The following NKAIN1 variants were observed in gnomAD, a reference collection of about 807,000 sequenced individuals.
NKAIN1 encodes sodium/potassium transporting ATPase interacting 1.
A neutral mutation model predicts 31.6 loss-of-function variants in NKAIN1; 13 were observed. That is an observed-to-expected ratio of 0.41 (90% CI 0.27 to 0.65). The LOEUF (loss-of-function observed/expected upper bound fraction) is 0.65, where lower values mean the gene tolerates loss of function less well. Ranked by LOEUF, NKAIN1 falls within the 30% of genes least tolerant of loss-of-function variation. NKAIN1 has a pLI of 0.30. For synonymous variants in NKAIN1, 104 were observed against 109.0 expected, an observed-to-expected ratio of 0.95 and a Z score of 0.28; for missense variants, 193 against 262.2, an observed-to-expected ratio of 0.74 and a Z score of 1.82.
chr1:31,203,295 A>C (rs1477728051), intron 1 of NKAIN1, among the ~76,000 whole-genome samples: 2 of 152,054 alleles, frequency 1.3e-5, no homozygotes, highest in African/African-American at 4.8e-5. Flanking sequence ...AAAATAAATA[A>C]AAAATAATGA....
At chr1:31,185,108 C>T (rs1482499163) in intron 3 of NKAIN1, 139 bp downstream of exon 3, 3 of 668,310 alleles carry the variant, frequency 4.5e-6, no homozygotes, top group Non-Finnish European at 8.0e-6. Flanking sequence ...GGAAATGGGG[C>T]ACACAGATTA....
Position 31,187,221 on chromosome 1 carries a change from A to G in NKAIN1, c.192+829T>C, listed in dbSNP as rs138007100. Among the ~76,000 whole-genome samples, 476 of 152,276 alleles carry G rather than the reference A, an allele frequency of 3.1e-3. 8 individuals are homozygous for G. Among genetic ancestry groups the G allele is most frequent in the Non-Finnish European group, 2.0e-3 (133 of 68,012 alleles). On this transcript the variant is annotated intron_variant, in intron 2 of 6. Transcript: ENST00000373736. ...TGACATTGCATGTCATTGTGATTGT[A>G]GGTGTCAAGCATGTATGTAGTAAAT...
At chr1:31,235,599 A>T (rs957809760) in intron 1 of NKAIN1, among the ~76,000 whole-genome samples, 3 of 152,080 alleles carry the variant, frequency 2.0e-5, no homozygotes, top group Non-Finnish European at 4.4e-5. Flanking sequence ...TTGCCACTGC[A>T]CTCCAGCCTG....
Position 31,181,327 on chromosome 1 carries a change from G to A in NKAIN1, c.*376C>T, listed in dbSNP as rs1017325835. The A allele has an allele frequency of 9.0e-6, 2 of 221,660 alleles. No homozygotes were observed. The highest frequency in any genetic ancestry group is 8.8e-6 in the Non-Finnish European group (1 of 113,910). The allele number at this position is 221,660 out of a possible 1,614,324, so 13.7% of individuals were successfully genotyped here. ...GAGTGTGGTGGGATGGGATGGGTCT[G>A]ATGTCCTGCTGTTTTTGGACAGGGG... On this transcript the variant is annotated 3_prime_UTR_variant, in exon 7 of 7. Coordinates refer to ENST00000373736, the MANE Select transcript of NKAIN1 (RefSeq NM_024522.3).
chr1:31,188,344 G>A, intron 1 of NKAIN1, 157 bp from the exon 2 acceptor site: 1 of 778,150 alleles, frequency 1.3e-6, no homozygotes, highest in Non-Finnish European at 2.0e-6. Flanking sequence ...GATGCTGGGG[G>A]GTCCTTAAGC....
intron 2 of NKAIN1, among the ~76,000 whole-genome samples, chr1:31,187,802 C>G (rs1645255950): frequency 2.0e-5 from 3 of 151,662 alleles, no homozygotes; most frequent in Non-Finnish European, 4.4e-5. Flanking sequence ...GCCAGGCACT[C>G]ACTACATGAT....
chr1:31,239,364 AG>A lies in NKAIN1; in HGVS notation c.54+129del. On this transcript the variant is annotated intron_variant, in intron 1 of 6. Transcript: ENST00000373736. This position sits in a 1 kb window ranked among gnomAD's most constrained non-coding sequence, Gnocchi z 4.8. The stretch of plus-strand genomic sequence containing the variant: ...CTCCGCCCGACCGCTCCGAGACTCC[AG>A]ACCACCCCCCGCCCGGGCACACGCA... The A allele has an allele frequency of 1.7e-6, 1 of 594,992 alleles. No homozygotes were observed. The highest frequency in any genetic ancestry group is 2.5e-6 in the Non-Finnish European group (1 of 399,384). 36.9% of individuals were successfully genotyped at this position (594,992 alleles called of 1,614,324 possible). A position where few individuals can be genotyped will look rare whatever the true frequency, so the allele number is the denominator to read the frequency against.
intron 1 of NKAIN1, among the ~76,000 whole-genome samples, chr1:31,207,014 T>G (rs1261066622): frequency 6.6e-6 from 1 of 152,170 alleles, no homozygotes; most frequent in African/African-American, 2.4e-5. Flanking sequence ...GGATTAAAAG[T>G]GTGATCCTGT....
chr1:31,192,053 G>A (rs553638750), intron 1 of NKAIN1, among the ~76,000 whole-genome samples: 4 of 152,308 alleles, frequency 2.6e-5, no homozygotes, highest in Admixed American at 2.0e-4. Flanking sequence ...TGGGATTACA[G>A]ACATAAGCCA....
At chr1:31,219,525 A>C (rs552622786) in intron 1 of NKAIN1, among the ~76,000 whole-genome samples, 2 of 152,248 alleles carry the variant, frequency 1.3e-5, no homozygotes, top group East Asian at 3.9e-4. Flanking sequence ...GTTTCCAGTG[A>C]GCATGTCCCC....
At chr1:31,213,736 TG>T (rs1557658517) in intron 1 of NKAIN1, among the ~76,000 whole-genome samples, 1 of 152,190 alleles carries the variant, frequency 6.6e-6, no homozygotes, top group Non-Finnish European at 1.5e-5. Flanking sequence ...GGCTCACACC[TG>T]TAATCCCAGC....
chr1:31,199,423 C>T (rs1441188496), intron 1 of NKAIN1, among the ~76,000 whole-genome samples: 1 of 152,182 alleles, frequency 6.6e-6, no homozygotes, highest in South Asian at 2.1e-4. Context: ...CCTCAGACCC[C>T]CCTTTTCCCA....
chr1:31,204,289 G>A (rs146993768), intron 1 of NKAIN1, among the ~76,000 whole-genome samples: 127 of 152,266 alleles, frequency 8.3e-4, no homozygotes, highest in African/African-American at 2.7e-3. Context: ...GTGCAGTGCT[G>A]TCTGGCTACA....
chr1:31,218,036 C>CCT (rs1553163613), intron 1 of NKAIN1, among the ~76,000 whole-genome samples: 2 of 126,784 alleles, frequency 1.6e-5, no homozygotes, highest in African/African-American at 6.2e-5. Context: ...TTCTTTCTTT[C>CCT]TTTCTTTCTT....
At chr1:31,215,361 C>T (rs1244653917) in intron 1 of NKAIN1, among the ~76,000 whole-genome samples, 1 of 152,208 alleles carries the variant, frequency 6.6e-6, no homozygotes, top group Admixed American at 6.5e-5. Flanking sequence ...CAGCATCCCG[C>T]TTCTCTTTCC....
intron 1 of NKAIN1, among the ~76,000 whole-genome samples, chr1:31,201,985 C>T (rs1645383911): frequency 1.3e-5 from 2 of 152,216 alleles, no homozygotes; most frequent in Non-Finnish European, 2.9e-5. Context: ...CGGCCCAGCC[C>T]TCTACCTCCG....
At position 31,216,690 on chromosome 1, in the gene NKAIN1, T is replaced by TTTTATCTATTTATCTATTTATCTA. The variant is rs369336386; in HGVS notation, c.54+22803_54+22804insTAGATAAATAGATAAATAGATAAA. Among the ~76,000 whole-genome samples the TTTTATCTATTTATCTATTTATCTA allele has an allele frequency of 1.8e-4, 26 of 140,570 alleles. No homozygotes were observed. The East Asian group carries it at 5.2e-3, about 28-fold the overall frequency. The allele number at this position is 140,570 out of a possible 152,430, so 92.2% of individuals were successfully genotyped here. On this transcript the variant is annotated intron_variant, in intron 1 of 6. Coordinates refer to ENST00000373736, the MANE Select transcript of NKAIN1 (RefSeq NM_024522.3). ...TCCTAGGAACGCCTGTGGCATTGACTTTTATTTATTTATTTATTTATTTAT... is the reference window on the plus strand; with the variant it reads ...TCCTAGGAACGCCTGTGGCATTGACTTTTATCTATTTATCTATTTATCTATTTATTTATTTATTTATTTATTTAT...
At chr1:31,234,535 G>C (rs1012564761) in intron 1 of NKAIN1, among the ~76,000 whole-genome samples, 3 of 150,768 alleles carry the variant, frequency 2.0e-5, no homozygotes, top group Non-Finnish European at 4.4e-5. Context: ...CTATGTGTCT[G>C]GCACCTGGCC....
chr1:31,200,012 TGCACACACACAC>T (rs1285363818), intron 1 of NKAIN1, among the ~76,000 whole-genome samples: 2 of 98,590 alleles, frequency 2.0e-5, no homozygotes, highest in East Asian at 2.4e-4. Context: ...CGCACACACA[TGCACACACACAC>T]GCACACACAC....
Sources: gnomAD v4.1 joint callset for allele counts (sites outside exome capture counted in the v4.1 genomes callset) on GRCh38, gnomAD v4.1.1 for gene constraint, Gnocchi (gnomAD v3.1) non-coding constraint, MANE v1.5 for transcripts, NCBI Gene and HGNC (gene_info 2026-07-23, HGNC 2026-07-21) for gene names.